SLC6A16: variants seen among roughly 807,000 people sequenced by gnomAD.
SLC6A16 encodes solute carrier family 6 member 16.
A neutral mutation model predicts 65.4 loss-of-function variants in SLC6A16; 54 were observed. The ratio of observed to expected loss-of-function variants is 0.83; its 90% CI spans 0.66 to 1.04. The LOEUF (loss-of-function observed/expected upper bound fraction) is 1.04, where lower values mean the gene tolerates loss of function less well. Among genes scored for constraint, SLC6A16 ranks in the 50% least tolerant of loss-of-function variants. SLC6A16 has a pLI of 0.00. For synonymous variants in SLC6A16, 330 were observed against 346.5 expected (o/e 0.95, Z 0.53); for missense variants, 816 against 914.0 (o/e 0.89, Z 1.38).
chr19:49,309,151 A>G, intron 6 of SLC6A16, 34 bp from the exon 7 acceptor site: 1 of 1,609,412 alleles, frequency 6.2e-7, no homozygotes, highest in Non-Finnish European at 8.5e-7. Context: ...AGGGGGTTGT[A>G]AAAGAAGAAG....
At chr19:49,296,717 G>A (rs369559899) in intron 7 of SLC6A16, among the ~76,000 whole-genome samples, 12 of 152,288 alleles carry the variant, frequency 7.9e-5, no homozygotes, top group East Asian at 7.7e-4. Context: ...GGCCAGGCGC[G>A]GTGGCTCATG....
intron 7 of SLC6A16, among the ~76,000 whole-genome samples, chr19:49,305,294 AAAG>A (rs1442644064): frequency 6.6e-6 from 1 of 152,076 alleles, no homozygotes; most frequent in African/African-American, 2.4e-5. Flanking sequence ...ACCACCACTT[AAAG>A]AAGAGCAGTG....
At chr19:49,311,742 G>A (rs533685904) in intron 1 of SLC6A16, among the ~76,000 whole-genome samples, 3 of 151,110 alleles carry the variant, frequency 2.0e-5, no homozygotes, top group East Asian at 2.0e-4. Context: ...CCAGCTACTC[G>A]GGAGGCTGAG....
chr19:49,332,288 G>C, the SLC6A16 span: 20 of 456,594 alleles, frequency 4.4e-5, no homozygotes, highest in South Asian at 3.1e-4. Context: ...CGGGTGCGGT[G>C]GCTCACGCCT....
In SLC6A16 at chr19:49,310,110, G is replaced by C. The variant is rs765089246; in HGVS notation, c.630C>G (p.Tyr210Ter). 2 of 1,614,068 alleles carry C rather than the reference G, an allele frequency of 1.2e-6. No individual in the cohort carries two copies. Among genetic ancestry groups the C allele is most frequent in the Non-Finnish European group, 1.7e-6 (2 of 1,180,002 alleles). The part of the protein sequence containing the change: ...FNVVNSWIIF[Y>*]MSQSFQFPVP... ...CGGGAAACTGGAAGGACTGGCTCAT[G>C]TAGAAGATGATCCAGGAATTGACCA... The change falls in exon 4 of 12, where the codon TAC becomes TAG. Residue 210 changes from tyrosine to a stop codon, truncating the protein, a stop_gained. Transcript: ENST00000335875. LOFTEE classifies it high-confidence loss of function.
chr19:49,339,170 A>T, the SLC6A16 span, among the ~76,000 whole-genome samples: 1 of 152,048 alleles, frequency 6.6e-6, no homozygotes, highest in African/African-American at 2.4e-5. The surrounding 1 kb of genome is among the most constrained non-coding windows in gnomAD (Gnocchi z 4.5). Flanking sequence ...GGCTTGGAAA[A>T]GGTGAAGCGA....
chr19:49,305,164 C>A (rs561866807), intron 7 of SLC6A16, among the ~76,000 whole-genome samples: 1 of 152,308 alleles, frequency 6.6e-6, no homozygotes, highest in South Asian at 2.1e-4. Context: ...GCTGAGTCTG[C>A]CTTTGTGCTC....
upstream of SLC6A16, among the ~76,000 whole-genome samples, chr19:49,327,416 T>C (rs1970810691): frequency 6.6e-6 from 1 of 152,192 alleles, no homozygotes; most frequent in East Asian, 1.9e-4. Flanking sequence ...GGAGGATTTC[T>C]CTAAGGAAAT....
Position 49,314,544 on chromosome 19 carries a change from C to G in SLC6A16, c.-64-3133G>C, listed in dbSNP as rs1052227422. Among the ~76,000 whole-genome samples the G allele has an allele frequency of 2.6e-5, 4 of 152,176 alleles. No homozygotes were observed. In the South Asian group the frequency reaches 8.3e-4, roughly 32 times the overall value. On this transcript the variant is annotated intron_variant, in intron 1 of 11. Coordinates refer to ENST00000335875, the MANE Select transcript of SLC6A16 (RefSeq NM_014037.3). The stretch of plus-strand genomic sequence containing the variant: ...CAAGAATCATCAATGGTTGCTAAAA[C>G]AAGATGATGAAAATTTGATGGGGAC...
chr19:49,312,377 T>C lies in SLC6A16; in HGVS notation c.-64-966A>G, dbSNP rs533597143. 1.2e-4 allele frequency: 22 copies of C among 180,158 alleles called. No homozygotes were observed. In the South Asian group the frequency reaches 3.9e-3, roughly 32 times the overall value. The allele number at this position is 180,158 out of a possible 1,614,324, so 11.2% of individuals were successfully genotyped here. On this transcript the variant is annotated intron_variant, in intron 1 of 11. Coordinates refer to ENST00000335875, the MANE Select transcript of SLC6A16 (RefSeq NM_014037.3). ...GCCTTCCCTGTCCACCTATCTAAAA[T>C]AGCAGCTACCTACCCACAACTCTCT...
the SLC6A16 span, among the ~76,000 whole-genome samples, chr19:49,334,219 C>T: frequency 6.6e-6 from 1 of 152,244 alleles, no homozygotes. Context: ...CACAGTGGCT[C>T]ACGCCCATAA....
Position 49,290,157 on chromosome 19 carries a change from G to C in SLC6A16, c.2177C>G (p.Thr726Arg). Reference sequence around the variant, plus strand: ...CACATTACAAGTTGATGGGTACTTTGTTTCATCAACTTGTAGAATTTCTTC... The same window carrying C: ...CACATTACAAGTTGATGGGTACTTTCTTTCATCAACTTGTAGAATTTCTTC... ...QKEEILQVDE[T>R]KYPSTCNVTS The change falls in exon 12 of 12, where the codon ACA (threonine) becomes AGA (arginine). Residue 726 changes from threonine to arginine, a missense_variant. By Grantham distance (71) the Thr-to-Arg change is moderately conservative. Coordinates refer to ENST00000335875, the MANE Select transcript of SLC6A16 (RefSeq NM_014037.3). 6.2e-7 allele frequency: 1 copy of C among 1,614,086 alleles called. No homozygotes were observed. The highest frequency in any genetic ancestry group is 1.1e-5 in the South Asian group (1 of 91,082).
chr19:49,299,849 C>T (rs1162822004), intron 7 of SLC6A16, among the ~76,000 whole-genome samples: 1 of 150,606 alleles, frequency 6.6e-6, no homozygotes, highest in Non-Finnish European at 1.5e-5. Flanking sequence ...ATGGTGAAAC[C>T]CTGTCTCTAC....
chr19:49,327,963 T>C (rs354029), upstream of SLC6A16, among the ~76,000 whole-genome samples: 118,478 of 152,202 alleles, frequency 0.78, 46,754 homozygotes, highest in African/African-American at 0.91. Context: ...GCCAGAGTAT[T>C]ATTTGGAGGC....
At chr19:49,308,850 A>G in intron 7 of SLC6A16, 26 bp downstream of exon 7, 1 of 1,612,914 alleles carries the variant, frequency 6.2e-7, no homozygotes, top group Non-Finnish European at 8.5e-7. Flanking sequence ...TGGAGCTGAG[A>G]CCCTTAACAA....
At chr19:49,303,693 A>G (rs1051899603) in intron 7 of SLC6A16, among the ~76,000 whole-genome samples, 4 of 151,726 alleles carry the variant, frequency 2.6e-5, no homozygotes, top group Non-Finnish European at 5.9e-5. Flanking sequence ...AAAAAGCCAC[A>G]CCATTAGAAC....
intron 4 of SLC6A16, 65 bp from the exon 5 acceptor site, chr19:49,309,891 C>T (rs1239609073): frequency 1.3e-6 from 2 of 1,550,402 alleles, no homozygotes; most frequent in Admixed American, 1.7e-5. Context: ...CTTATCCCCT[C>T]CCCCACCTCC....
intron 7 of SLC6A16, among the ~76,000 whole-genome samples, chr19:49,304,881 C>T (rs117125065): frequency 0.024 from 3,641 of 152,152 alleles, 72 homozygotes; most frequent in Middle Eastern, 0.034. Flanking sequence ...AGTATTTGCA[C>T]GAGTGAGGTA....
At chr19:49,339,956 T>C in the SLC6A16 span, 1 of 1,401,692 alleles carries the variant, frequency 7.1e-7, no homozygotes, top group Non-Finnish European at 9.3e-7. This position sits in a 1 kb window ranked among gnomAD's most constrained non-coding sequence, Gnocchi z 4.5. Flanking sequence ...GAGGCACAAT[T>C]AGAGGCTGAG....
Sources: gnomAD v4.1 joint callset for allele counts (sites outside exome capture counted in the v4.1 genomes callset) on GRCh38, gnomAD v4.1.1 for gene constraint, Gnocchi (gnomAD v3.1) non-coding constraint, MANE v1.5 for transcripts, NCBI Gene and HGNC (gene_info 2026-07-23, HGNC 2026-07-21) for gene names.